The following SH3D21 variants were observed in gnomAD, a reference collection of about 807,000 sequenced individuals.
SH3D21 encodes the protein manchette microtubule inner protein 1.
A neutral mutation model predicts 82.1 loss-of-function variants in SH3D21; 83 were observed. The observed-to-expected ratio is 1.01, with a 90% confidence interval of 0.85 to 1.21. The LOEUF is 1.21. Ranked by LOEUF, SH3D21 falls within the 50% of genes most tolerant of loss-of-function variation. SH3D21 has a pLI of 0.00. For missense variants in SH3D21, 980 were observed against 962.1 expected (o/e 1.02, Z -0.25); for synonymous variants, 383 against 387.8 (o/e 0.99, Z 0.15).
chr1:36,314,221 C>G (rs553799021), intron 10 of SH3D21, among the ~76,000 whole-genome samples: 1 of 150,974 alleles, frequency 6.6e-6, no homozygotes, highest in South Asian at 2.1e-4. Context: ...GTGATTCACC[C>G]GCTTTGGCCT....
At chr1:36,321,562 C>T (rs1229964177), downstream of SH3D21, 4 of 761,448 alleles carry the variant, frequency 5.3e-6, no homozygotes, top group African/African-American at 7.4e-5. The surrounding 1 kb of genome is among the most constrained non-coding windows in gnomAD (Gnocchi z 6.1). Flanking sequence ...TCCCAGCTGG[C>T]CTCCCTGTCC....
chr1:36,329,905 T>TA (rs916272604), downstream of SH3D21, among the ~76,000 whole-genome samples: 2 of 152,066 alleles, frequency 1.3e-5, no homozygotes, highest in African/African-American at 2.4e-5. Flanking sequence ...GCATAGGTCT[T>TA]ACAATACAGT....
At chr1:36,322,391 C>T, downstream of SH3D21, 1 of 1,597,584 alleles carries the variant, frequency 6.3e-7, no homozygotes, top group Non-Finnish European at 8.5e-7. Context: ...TGCGCCAGAT[C>T]TCCCGCAGGA....
At position 36,306,781 on chromosome 1, in the gene SH3D21, TG is replaced by T; in HGVS notation, c.162+30del. 1 of 1,291,114 alleles carries T rather than the reference TG, an allele frequency of 7.7e-7. No individual in the cohort carries two copies. The allele number at this position is 1,291,114 out of a possible 1,614,324, so 80.0% of individuals were successfully genotyped here. On this transcript the variant is annotated intron_variant, in intron 2 of 15. Transcript: ENST00000453908. The surrounding 1 kb of genome is among the most constrained non-coding windows in gnomAD (Gnocchi z 4.5). Reference sequence around the variant, plus strand: ...GTGAGGCCGAGCCAGGGGCGGGCTGTGGGGTCTCAGCGCGCGCCCCCCGGGA... The same window carrying T: ...GTGAGGCCGAGCCAGGGGCGGGCTGTGGGTCTCAGCGCGCGCCCCCCGGGA...
Position 36,307,451 on chromosome 1 carries a change from G to A in SH3D21, c.346-66G>A. ...AAGGGGCGCTTGGGCAGAACCAAGG[G>A]TGGCAGATTATCCTAGGGACTCTTG... On this transcript the variant is annotated intron_variant, in intron 4 of 15. Coordinates refer to ENST00000453908, the MANE Select transcript of SH3D21 (RefSeq NM_001162530.2). This position sits in a 1 kb window ranked among gnomAD's most constrained non-coding sequence, Gnocchi z 5.4. 3 of 1,529,448 alleles carry A rather than the reference G, an allele frequency of 2.0e-6. No homozygotes were observed. The highest frequency in any genetic ancestry group is 2.7e-6 in the Non-Finnish European group (3 of 1,129,908). 94.7% of individuals were successfully genotyped at this position (1,529,448 alleles called of 1,614,324 possible). A position where few individuals can be genotyped will look rare whatever the true frequency, so the allele number is the denominator to read the frequency against.
downstream of SH3D21, chr1:36,321,821 C>G (rs74064531): frequency 3.8e-4 from 388 of 1,012,026 alleles, 2 homozygotes; most frequent in African/African-American, 1.7e-3. The surrounding 1 kb of genome is among the most constrained non-coding windows in gnomAD (Gnocchi z 6.1). Flanking sequence ...CGCGCTTGCT[C>G]TGTGTGTGAG....
intron 10 of SH3D21, among the ~76,000 whole-genome samples, chr1:36,310,439 C>A (rs1646216458): frequency 6.6e-6 from 1 of 152,020 alleles, no homozygotes; most frequent in African/African-American, 2.4e-5. Context: ...CATGGCAAAA[C>A]CTTGTCTCTA....
chr1:36,316,173 G>T (rs1024423754), intron 10 of SH3D21, among the ~76,000 whole-genome samples: 1 of 152,182 alleles, frequency 6.6e-6, no homozygotes, highest in Non-Finnish European at 1.5e-5. Context: ...TAATCTGTGG[G>T]ACTCTTGCAG....
chr1:36,324,320 A>T (rs2124708969), downstream of SH3D21: 1 of 152,374 alleles, frequency 6.6e-6, no homozygotes, highest in Non-Finnish European at 1.5e-5. Flanking sequence ...GGCTTGTGGC[A>T]GATCCCACCC....
At chr1:36,315,905 T>C (rs542798164) in intron 10 of SH3D21, among the ~76,000 whole-genome samples, 36 of 152,408 alleles carry the variant, frequency 2.4e-4, no homozygotes, top group African/African-American at 8.7e-4. Flanking sequence ...GTTGCATTTC[T>C]TTTTCAAGAA....
chr1:36,329,370 T>C (rs1646572688), downstream of SH3D21: 2 of 152,098 alleles, frequency 1.3e-5, no homozygotes, highest in African/African-American at 4.8e-5. Context: ...TACACAGTAG[T>C]TGCATTCCTG....
At position 36,307,534 on chromosome 1, in the gene SH3D21, G is replaced by T; in HGVS notation, c.363G>T (p.Trp121Cys). 1 of 1,551,692 alleles carries T rather than the reference G, an allele frequency of 6.4e-7. No individual in the cohort carries two copies. Among genetic ancestry groups the T allele is most frequent in the Non-Finnish European group, 8.7e-7 (1 of 1,146,984 alleles). ...EMIKEIEDGW[W>C]LGKKNGQLGA... Reference sequence around the variant, plus strand: ...CTCCCCAGATTGAGGACGGCTGGTGGCTGGGGAAGAAGAACGGGCAGCTGG... The same window carrying T: ...CTCCCCAGATTGAGGACGGCTGGTGTCTGGGGAAGAAGAACGGGCAGCTGG... Residue 121 changes from tryptophan to cysteine, a missense_variant, in exon 5 of 16, where the codon TGG (tryptophan) becomes TGT (cysteine). Physicochemically the swap from Trp to Cys is radical, Grantham distance 215. Coordinates refer to ENST00000453908, the MANE Select transcript of SH3D21 (RefSeq NM_001162530.2). The surrounding 1 kb of genome is among the most constrained non-coding windows in gnomAD (Gnocchi z 5.4).
At chr1:36,324,144 C>T (rs1446813743), downstream of SH3D21, 1 of 152,246 alleles carries the variant, frequency 6.6e-6, no homozygotes, top group Non-Finnish European at 1.5e-5. Flanking sequence ...TTCCAGGGCC[C>T]AGGCTTGAAT....
rs1387085470 is a variant in SH3D21 at position 36,307,490 on chromosome 1, C to T, written c.346-27C>T. The T allele has an allele frequency of 3.9e-6, 6 of 1,548,674 alleles. No individual in the cohort carries two copies. Among genetic ancestry groups the T allele is most frequent in the South Asian group, 3.6e-5 (3 of 83,856 alleles). On this transcript the variant is annotated intron_variant, in intron 4 of 15. Transcript: ENST00000453908. The surrounding 1 kb of genome is among the most constrained non-coding windows in gnomAD (Gnocchi z 5.4). ...TAGGGACTCTTGGGGCAGAACCAGACGCCTCTGCGTCCTCCCCTCTCCCCA... is the reference window on the plus strand; with the variant it reads ...TAGGGACTCTTGGGGCAGAACCAGATGCCTCTGCGTCCTCCCCTCTCCCCA...
chr1:36,318,140 G>A (rs1646375154), intron 10 of SH3D21, among the ~76,000 whole-genome samples: 1 of 152,186 alleles, frequency 6.6e-6, no homozygotes. Context: ...GTGTGGACAG[G>A]ATTTGCTGAT....
intron 10 of SH3D21, among the ~76,000 whole-genome samples, chr1:36,313,767 G>A (rs1646284728): frequency 1.3e-5 from 2 of 151,508 alleles, no homozygotes; most frequent in East Asian, 1.9e-4. Flanking sequence ...GTCTTGCTAT[G>A]TTGCCCAGGC....
Position 36,310,319 on chromosome 1 carries a change from T to C in SH3D21, c.769+729T>C, listed in dbSNP as rs559110664. Reference sequence around the variant, plus strand: ...TATATATAACACATATGTTATAAAATTTAACACCCACGGGCCAGGCACAGT... The same window carrying C: ...TATATATAACACATATGTTATAAAACTTAACACCCACGGGCCAGGCACAGT... On this transcript the variant is annotated intron_variant, in intron 10 of 15. Transcript: ENST00000453908. 3.9e-5 allele frequency among the ~76,000 whole-genome samples: 6 copies of C among 152,260 alleles called. No individual in the cohort carries two copies. In the East Asian group the frequency reaches 1.2e-3, roughly 29 times the overall value.
chr1:36,319,061 C>G lies in SH3D21; in HGVS notation c.770-10C>G. The G allele has an allele frequency of 1.3e-6, 2 of 1,502,662 alleles. No homozygotes were observed. Among genetic ancestry groups the G allele is most frequent in the South Asian group, 1.2e-5 (1 of 83,062 alleles). 93.1% of individuals were successfully genotyped at this position (1,502,662 alleles called of 1,614,324 possible). A position where few individuals can be genotyped will look rare whatever the true frequency, so the allele number is the denominator to read the frequency against. ...TCAGATGGATGAGTGCTCCACTCCT[C>G]TCTTCCCAGCTCCTATTAAGGAACC... On this transcript the variant is annotated splice_polypyrimidine_tract_variant and intron_variant, in intron 10 of 15. Transcript: ENST00000453908.
At chr1:36,322,658 G>C, downstream of SH3D21, 1 of 1,547,124 alleles carries the variant, frequency 6.5e-7, no homozygotes, top group Non-Finnish European at 8.7e-7. Flanking sequence ...TGACGAGCAG[G>C]CAGAGGGTGA....
Sources: gnomAD v4.1 joint callset for allele counts (sites outside exome capture counted in the v4.1 genomes callset) on GRCh38, gnomAD v4.1.1 for gene constraint, Gnocchi (gnomAD v3.1) non-coding constraint, MANE v1.5 for transcripts, NCBI Gene and HGNC (gene_info 2026-07-23, HGNC 2026-07-21) for gene names.